The following MFHAS1 variants were observed in gnomAD, a reference collection of about 807,000 sequenced individuals.
MFHAS1 encodes malignant fibrous histiocytoma-amplified sequence 1.
Under a neutral mutation model 70.4 loss-of-function variants are expected in MFHAS1, and 50 were observed. The ratio of observed to expected loss-of-function variants is 0.71; its 90% CI spans 0.57 to 0.90. The LOEUF is 0.90. Ranked by LOEUF, MFHAS1 falls within the 40% of genes least tolerant of loss-of-function variation. The pLI is 0.00. For missense variants in MFHAS1, 1,795 were observed against 1,347.6 expected (o/e 1.33, Z -5.20); for synonymous variants, 952 against 620.0 (o/e 1.54, Z -7.96).
At chr8:8,846,901 G>A (rs1246215840) in intron 1 of MFHAS1, among the ~76,000 whole-genome samples, 4 of 152,066 alleles carry the variant, frequency 2.6e-5, no homozygotes, top group Non-Finnish European at 5.9e-5. Flanking sequence ...CAGTGTCTAC[G>A]ATGACCTTTG....
Position 8,872,932 on chromosome 8 carries a change from G to C in MFHAS1, c.2998+17129C>G, listed in dbSNP as rs191217661. 7.2e-5 allele frequency among the ~76,000 whole-genome samples: 11 copies of C among 152,290 alleles called. No individual in the cohort carries two copies. In the East Asian group the frequency reaches 2.1e-3, roughly 29 times the overall value. On this transcript the variant is annotated intron_variant, in intron 1 of 2. Transcript: ENST00000276282. Reference sequence around the variant, plus strand: ...CCTGCTCCATCCCAGACAGGCAGCAGAACATCGTGCAAGAGTGAGACGGAG... The same window carrying C: ...CCTGCTCCATCCCAGACAGGCAGCACAACATCGTGCAAGAGTGAGACGGAG...
intron 1 of MFHAS1, among the ~76,000 whole-genome samples, chr8:8,823,357 C>T (rs1027833622): frequency 1.3e-5 from 2 of 152,040 alleles, no homozygotes; most frequent in Non-Finnish European, 2.9e-5. Flanking sequence ...GCATCGCTGC[C>T]AGAACAAAAA....
At chr8:8,840,120 T>G (rs1225250236) in intron 1 of MFHAS1, among the ~76,000 whole-genome samples, 1 of 152,158 alleles carries the variant, frequency 6.6e-6, no homozygotes, top group South Asian at 2.1e-4. Context: ...CCAACCCCAC[T>G]GCCACTACCT....
chr8:8,785,973 G>A lies in MFHAS1; in HGVS notation c.*49C>T, dbSNP rs1266221386. On this transcript the variant is annotated 3_prime_UTR_variant, in exon 3 of 3. Transcript: ENST00000276282. ...TCTGCCAGGTGCAAAAGATGGTCCAGGTGTTCAGATGCTCTCTTTTCTCCA... is the reference window on the plus strand; with the variant it reads ...TCTGCCAGGTGCAAAAGATGGTCCAAGTGTTCAGATGCTCTCTTTTCTCCA... The A allele has an allele frequency of 2.8e-5, 45 of 1,598,858 alleles. 1 individual carries two copies. The highest frequency in any genetic ancestry group is 1.1e-4 in the African/African-American group (8 of 74,606).
intron 2 of MFHAS1, among the ~76,000 whole-genome samples, chr8:8,788,280 C>G (rs1313339403): frequency 1.3e-5 from 2 of 152,196 alleles, no homozygotes; most frequent in African/African-American, 4.8e-5. Flanking sequence ...GATAATTACT[C>G]AACAAAGATC....
intron 1 of MFHAS1, among the ~76,000 whole-genome samples, chr8:8,818,161 T>C (rs769276620): frequency 6.6e-6 from 1 of 152,214 alleles, no homozygotes; most frequent in Non-Finnish European, 1.5e-5. Flanking sequence ...CAGAGCGTCA[T>C]ACTTCGGGGC....
intron 1 of MFHAS1, among the ~76,000 whole-genome samples, chr8:8,830,804 G>T (rs1320204198): frequency 6.6e-6 from 1 of 152,080 alleles, no homozygotes; most frequent in African/African-American, 2.4e-5. Context: ...TGCCATGTTG[G>T]CAGGCTGGTC....
At chr8:8,799,686 G>T (rs922129153) in intron 1 of MFHAS1, among the ~76,000 whole-genome samples, 14 of 152,190 alleles carry the variant, frequency 9.2e-5, no homozygotes, top group Admixed American at 6.5e-5. Flanking sequence ...AATCCAGGAG[G>T]CAGAGGTTTC....
At chr8:8,833,385 T>G (rs1002470780) in intron 1 of MFHAS1, among the ~76,000 whole-genome samples, 1 of 152,080 alleles carries the variant, frequency 6.6e-6, no homozygotes, top group African/African-American at 2.4e-5. Context: ...TCCTAACATA[T>G]GGAGAGGCGG....
intron 1 of MFHAS1, among the ~76,000 whole-genome samples, chr8:8,828,605 T>C (rs1016284621): frequency 2.0e-5 from 3 of 152,108 alleles, no homozygotes; most frequent in African/African-American, 7.2e-5. Flanking sequence ...ACTAGACCAC[T>C]CCACGGAGGA....
rs73190068 is a variant in MFHAS1 at position 8,841,929 on chromosome 8, C to A, written c.2999-44438G>T. ...ATTTAAAGAAAGAGGGATGTGTGTT[C>A]TGCATTAGCTCCAGAAATAAAAACC... is the stretch of plus-strand genomic sequence containing the variant. On this transcript the variant is annotated intron_variant, in intron 1 of 2. Transcript: ENST00000276282. 8.4e-3 allele frequency among the ~76,000 whole-genome samples: 1,279 copies of A among 152,312 alleles called. 11 individuals are homozygous for A. The highest frequency in any genetic ancestry group is 0.012 in the Non-Finnish European group (843 of 68,024).
rs1401623101 is a variant in MFHAS1, at chr8:8,890,667, A to G, written c.2392T>C (p.Leu798=). 1 of 1,613,492 alleles carries G rather than the reference A, an allele frequency of 6.2e-7. No individual in the cohort carries two copies. Among genetic ancestry groups the G allele is most frequent in the Non-Finnish European group, 8.5e-7 (1 of 1,179,590 alleles). The change falls in exon 1 of 3, where the codon TTG becomes CTG. Residue 798 remains leucine, a synonymous_variant. Transcript: ENST00000276282. ...AGCAACCGAATGACATGAGCTGGCA[A>G]GAGCCCATGCAACAGAAAGCCCTCC... is the stretch of plus-strand genomic sequence containing the variant. ...YVEGFLLHGL[L]PAHVIRLLLK...
At chr8:8,790,475 C>T (rs1463567664) in intron 2 of MFHAS1, 17 of 605,404 alleles carry the variant, frequency 2.8e-5, no homozygotes, top group Non-Finnish European at 3.5e-5. Context: ...ATGTGGCTGA[C>T]GGGAGACTAA....
intron 1 of MFHAS1, among the ~76,000 whole-genome samples, chr8:8,805,129 G>C (rs949027335): frequency 6.6e-6 from 1 of 152,030 alleles, no homozygotes; most frequent in African/African-American, 2.4e-5. Context: ...CAATGCATTT[G>C]GTAAACGTTC....
At chr8:8,791,125 G>GTTTT (rs34714915) in intron 2 of MFHAS1, among the ~76,000 whole-genome samples, 101 of 132,634 alleles carry the variant, frequency 7.6e-4, no homozygotes, top group African/African-American at 2.7e-3. Context: ...CACCCCACCC[G>GTTTT]TTTTTTTTTT....
At chr8:8,888,570 T>TGAG (rs1441868971) in intron 1 of MFHAS1, among the ~76,000 whole-genome samples, 1 of 151,480 alleles carries the variant, frequency 6.6e-6, no homozygotes, top group Admixed American at 6.6e-5. Flanking sequence ...CTACAAAGGA[T>TGAG]GAGGAAATGG....
At chr8:8,866,587 G>A (rs1162813365) in intron 1 of MFHAS1, among the ~76,000 whole-genome samples, 5 of 152,022 alleles carry the variant, frequency 3.3e-5, no homozygotes, top group Admixed American at 6.6e-5. Flanking sequence ...CAAAGTTTTG[G>A]GATTACAGGC....
intron 1 of MFHAS1, among the ~76,000 whole-genome samples, chr8:8,830,724 T>C (rs1807354552): frequency 6.6e-6 from 1 of 152,150 alleles, no homozygotes; most frequent in South Asian, 2.1e-4. Flanking sequence ...TGCCTCAGCC[T>C]CCCGAGTAGC....
At chr8:8,886,538 A>C (rs1036510347) in intron 1 of MFHAS1, among the ~76,000 whole-genome samples, 14 of 152,206 alleles carry the variant, frequency 9.2e-5, no homozygotes, top group African/African-American at 3.4e-4. Flanking sequence ...GGTCAACTAC[A>C]GTAGGGCAGC....
Sources: gnomAD v4.1 joint callset for allele counts (sites outside exome capture counted in the v4.1 genomes callset) on GRCh38, gnomAD v4.1.1 for gene constraint, MANE v1.5 for transcripts, NCBI Gene and HGNC (gene_info 2026-07-23, HGNC 2026-07-21) for gene names.